KCNQ1: variants seen among roughly 807,000 people sequenced by gnomAD.
KCNQ1 encodes potassium voltage-gated channel subfamily KQT member 1.
In KCNQ1, 49 loss-of-function variants were observed where a neutral mutation model predicts 72.4. The ratio of observed to expected loss-of-function variants is 0.68; its 90% CI spans 0.54 to 0.86. KCNQ1 has a LOEUF of 0.86. Among genes scored for constraint, KCNQ1 ranks in the 40% least tolerant of loss-of-function variants. The pLI is 0.00. For synonymous variants in KCNQ1, 450 were observed against 412.6 expected (o/e 1.09, Z -1.10); for missense variants, 790 against 945.1 (o/e 0.84, Z 2.15).
chr11:2,736,374 A>G (rs1388322004), intron 11 of KCNQ1, among the ~76,000 whole-genome samples: 1 of 152,194 alleles, frequency 6.6e-6, no homozygotes, highest in Non-Finnish European at 1.5e-5. Context: ...CCGAGGGCCC[A>G]GGTCCCAGGC....
rs1847817174 is a variant in KCNQ1, at chr11:2,541,184, A to G, written c.477+13166A>G. 6.6e-6 allele frequency among the ~76,000 whole-genome samples: 1 copy of G among 152,224 alleles called. No homozygotes were observed. ...CGCGTTCCATTTGCACATTTAATCCAGAAACTGTCAGCATGGGAAGCCTGG... is the reference window on the plus strand; with the variant it reads ...CGCGTTCCATTTGCACATTTAATCCGGAAACTGTCAGCATGGGAAGCCTGG... On this transcript the variant is annotated intron_variant, in intron 2 of 15. Coordinates refer to ENST00000155840, the MANE Select transcript of KCNQ1 (RefSeq NM_000218.3). This position sits in a 1 kb window ranked among gnomAD's most constrained non-coding sequence, Gnocchi z 4.8.
chr11:2,627,256 A>C lies in KCNQ1; in HGVS notation c.1394-34705A>C. The C allele has an allele frequency of 2.5e-6, 1 of 398,534 alleles. No individual in the cohort carries two copies. The highest frequency in any genetic ancestry group is 2.1e-5 in the African/African-American group (1 of 48,736). 24.7% of individuals were successfully genotyped at this position (398,534 alleles called of 1,614,324 possible). Reference sequence around the variant, plus strand: ...AACATATTTGACCTACTGTGAAATGATTACTACAATCAAGCCAATTAACAT... The same window carrying C: ...AACATATTTGACCTACTGTGAAATGCTTACTACAATCAAGCCAATTAACAT... On this transcript the variant is annotated intron_variant, in intron 10 of 15. Coordinates refer to ENST00000155840, the MANE Select transcript of KCNQ1 (RefSeq NM_000218.3). The surrounding 1 kb of genome is among the most constrained non-coding windows in gnomAD (Gnocchi z 4.9).
At chr11:2,616,043 G>A in intron 10 of KCNQ1, 1 of 397,950 alleles carries the variant, frequency 2.5e-6, no homozygotes, top group Non-Finnish European at 4.4e-6. Flanking sequence ...TACTTGTTAT[G>A]GGTCTGCTCA....
At chr11:2,589,842 G>A (rs990718932) in intron 10 of KCNQ1, among the ~76,000 whole-genome samples, 3 of 152,200 alleles carry the variant, frequency 2.0e-5, no homozygotes, top group African/African-American at 4.8e-5. Flanking sequence ...GGAGGCACAC[G>A]TGATGCATCC....
chr11:2,789,160 GACC>G (rs1846970534), intron 15 of KCNQ1, among the ~76,000 whole-genome samples: 1 of 152,150 alleles, frequency 6.6e-6, no homozygotes, highest in African/African-American at 2.4e-5. Flanking sequence ...AAAGACAGTG[GACC>G]CACCAGTGGC....
intron 10 of KCNQ1, chr11:2,640,715 T>G (rs757652021): frequency 6.5e-5 from 26 of 398,452 alleles, no homozygotes; most frequent in Non-Finnish European, 1.0e-4. Context: ...TTTTTTATTT[T>G]GAAATATACA....
rs549032018 is a variant in KCNQ1 at position 2,845,023 on chromosome 11, T to C, written c.1795-2744T>C. ...GCTGCACCTTTGATCTGCTACGCTC[T>C]CGTAGGTCTCTGGGCCTCAGTTTCC... On this transcript the variant is annotated intron_variant, in intron 15 of 15. Transcript: ENST00000155840. Among the ~76,000 whole-genome samples, 10 of 152,326 alleles carry C rather than the reference T, an allele frequency of 6.6e-5. No individual in the cohort carries two copies. The South Asian group carries it at 1.9e-3, about 28-fold the overall frequency.
chr11:2,793,058 C>A (rs1445505720), intron 15 of KCNQ1, among the ~76,000 whole-genome samples: 1 of 152,216 alleles, frequency 6.6e-6, no homozygotes, highest in South Asian at 2.1e-4. Context: ...AGGGTGAACA[C>A]CCCGTCAGGG....
Position 2,658,889 on chromosome 11 carries a change from A to G in KCNQ1, c.1394-3072A>G, listed in dbSNP as rs1277725930. 2.5e-6 allele frequency: 1 copy of G among 398,310 alleles called. No homozygotes were observed. Among genetic ancestry groups the G allele is most frequent in the Admixed American group, 4.4e-5 (1 of 22,688 alleles). 24.7% of individuals were successfully genotyped at this position (398,310 alleles called of 1,614,324 possible). A position where few individuals can be genotyped will look rare whatever the true frequency, so the allele number is the denominator to read the frequency against. On this transcript the variant is annotated intron_variant, in intron 10 of 15. Coordinates refer to ENST00000155840, the MANE Select transcript of KCNQ1 (RefSeq NM_000218.3). The surrounding 1 kb of genome is among the most constrained non-coding windows in gnomAD (Gnocchi z 4.9). ...TTCATTTACTTATTTGTGTAACCCT[A>G]TTGTACACGTAGTACCCTATGTGAA...
At position 2,764,153 on chromosome 11, in the gene KCNQ1, T is replaced by C. The variant is rs1846456059; in HGVS notation, c.1515-4691T>C. ...AAGCGTATCACATTTCACTATTAAG[T>C]ATGATGTCTGCTTAGGGTTTGGGTT... On this transcript the variant is annotated intron_variant, in intron 11 of 15. Transcript: ENST00000155840. The surrounding 1 kb of genome is among the most constrained non-coding windows in gnomAD (Gnocchi z 4.8). Among the ~76,000 whole-genome samples, 1 of 152,116 alleles carries C rather than the reference T, an allele frequency of 6.6e-6. No individual in the cohort carries two copies. The highest frequency in any genetic ancestry group is 1.5e-5 in the Non-Finnish European group (1 of 68,018).
Position 2,657,491 on chromosome 11 carries a change from A to T in KCNQ1, c.1394-4470A>T, listed in dbSNP as rs1849870707. Reference sequence around the variant, plus strand: ...GTTCTGTTTTCTCTTGTTACCTCACATTTTTTATTTACAGAAGAGAAACAA... The same window carrying T: ...GTTCTGTTTTCTCTTGTTACCTCACTTTTTTTATTTACAGAAGAGAAACAA... On this transcript the variant is annotated intron_variant, in intron 10 of 15. Coordinates refer to ENST00000155840, the MANE Select transcript of KCNQ1 (RefSeq NM_000218.3). The surrounding 1 kb of genome is among the most constrained non-coding windows in gnomAD (Gnocchi z 4.8). The T allele has an allele frequency of 2.5e-6, 1 of 398,478 alleles. No individual in the cohort carries two copies. Among genetic ancestry groups the T allele is most frequent in the South Asian group, 1.3e-4 (1 of 7,854 alleles). The allele number at this position is 398,478 out of a possible 1,614,324, so 24.7% of individuals were successfully genotyped here.
intron 6 of KCNQ1, among the ~76,000 whole-genome samples, chr11:2,581,140 C>T (rs1001341959): frequency 6.6e-6 from 1 of 152,224 alleles, no homozygotes; most frequent in South Asian, 2.1e-4. Context: ...AGGGGCCCTC[C>T]GAGCTCAAGG....
intron 1 of KCNQ1, among the ~76,000 whole-genome samples, chr11:2,452,584 C>A (rs912628837): frequency 6.6e-6 from 1 of 152,218 alleles, no homozygotes; most frequent in Non-Finnish European, 1.5e-5. Context: ...GGGAACCATG[C>A]GCTTCAAGCG....
chr11:2,691,629 G>A lies in KCNQ1; in HGVS notation c.1514+29548G>A, dbSNP rs1375551114. 1 of 398,464 alleles carries A rather than the reference G, an allele frequency of 2.5e-6. No homozygotes were observed. Among genetic ancestry groups the A allele is most frequent in the Non-Finnish European group, 4.4e-6 (1 of 226,076 alleles). 24.7% of individuals were successfully genotyped at this position (398,464 alleles called of 1,614,324 possible). A position where few individuals can be genotyped will look rare whatever the true frequency, so the allele number is the denominator to read the frequency against. ...GCTTGTTCCCTGCACGTACTGTGGG[G>A]AGGTCCTCTTTACCGCCACAGTTCC... is the stretch of plus-strand genomic sequence containing the variant. On this transcript the variant is annotated intron_variant, in intron 11 of 15. Transcript: ENST00000155840. The surrounding 1 kb of genome is among the most constrained non-coding windows in gnomAD (Gnocchi z 6.4).
chr11:2,686,499 T>A (rs1850492408), intron 11 of KCNQ1: 2 of 398,526 alleles, frequency 5.0e-6, no homozygotes, highest in Non-Finnish European at 8.8e-6. Context: ...CCTCACCCAG[T>A]GTTGAGTCTC....
In KCNQ1 at chr11:2,766,413, C is replaced by T. The variant is rs572751402; in HGVS notation, c.1515-2431C>T. Among the ~76,000 whole-genome samples, 5 of 152,302 alleles carry T rather than the reference C, an allele frequency of 3.3e-5. No individual in the cohort carries two copies. In the South Asian group the frequency reaches 8.3e-4, roughly 25 times the overall value. On this transcript the variant is annotated intron_variant, in intron 11 of 15. Transcript: ENST00000155840. This position sits in a 1 kb window ranked among gnomAD's most constrained non-coding sequence, Gnocchi z 4.4. Reference sequence around the variant, plus strand: ...GCCAGGGTCTCTCAGCTCTCCTTCACGCGGCTGTTCCAGCAGGCTAGCTCA... The same window carrying T: ...GCCAGGGTCTCTCAGCTCTCCTTCATGCGGCTGTTCCAGCAGGCTAGCTCA...
chr11:2,794,404 C>A (rs1847090053), intron 15 of KCNQ1, among the ~76,000 whole-genome samples: 1 of 152,118 alleles, frequency 6.6e-6, no homozygotes, highest in African/African-American at 2.4e-5. Flanking sequence ...GGCAGGCAAC[C>A]AAAACCCCAG....
chr11:2,834,036 G>A (rs189506304), intron 15 of KCNQ1, among the ~76,000 whole-genome samples: 4 of 152,226 alleles, frequency 2.6e-5, no homozygotes, highest in South Asian at 2.1e-4. Flanking sequence ...GCTGGCTCCC[G>A]GGAGGACATG....
intron 10 of KCNQ1, chr11:2,639,340 G>GT (rs1453688670): frequency 1.3e-5 from 2 of 152,134 alleles, no homozygotes; most frequent in Non-Finnish European, 2.9e-5. Context: ...CATCTTTGTG[G>GT]TTTTATCTAC....
Sources: gnomAD v4.1 joint callset for allele counts (sites outside exome capture counted in the v4.1 genomes callset) on GRCh38, gnomAD v4.1.1 for gene constraint, Gnocchi (gnomAD v3.1) non-coding constraint, MANE v1.5 for transcripts, NCBI Gene and HGNC (gene_info 2026-07-23, HGNC 2026-07-21) for gene names.